The following ARHGEF28 variants were observed in gnomAD, a reference collection of about 807,000 sequenced individuals.
The protein encoded by ARHGEF28 is Rho guanine nucleotide exchange factor 28.
ARHGEF28 carries 152 observed loss-of-function variants against 206.6 expected under a neutral mutation model. That is an observed-to-expected ratio of 0.74 (90% CI 0.64 to 0.84). ARHGEF28 has a LOEUF of 0.84. ARHGEF28 is among the 40% of genes least tolerant of loss of function. The pLI is 0.00. For missense variants in ARHGEF28, 2,028 were observed against 2,073.2 expected (o/e 0.98, Z 0.42); for synonymous variants, 763 against 776.4 (o/e 0.98, Z 0.29).
intron 30 of ARHGEF28, 171 bp from the exon 31 acceptor site, chr5:73,901,013 C>T (rs976077514): frequency 1.8e-6 from 1 of 545,108 alleles, no homozygotes; most frequent in Non-Finnish European, 3.3e-6. Context: ...GCAGGGACCA[C>T]ATGCATTGCT....
At chr5:73,714,599 A>G (rs1488893080) in intron 2 of ARHGEF28, among the ~76,000 whole-genome samples, 2 of 152,096 alleles carry the variant, frequency 1.3e-5, no homozygotes, top group Admixed American at 1.3e-4. Flanking sequence ...CATCAACACA[A>G]TTTTTGGGCC....
intron 14 of ARHGEF28, among the ~76,000 whole-genome samples, chr5:73,854,705 G>A (rs574676850): frequency 1.4e-4 from 21 of 151,958 alleles, no homozygotes; most frequent in Non-Finnish European, 1.9e-4. Flanking sequence ...GGTGGCAGGC[G>A]CCTGCAATCA....
chr5:73,818,041 C>T (rs1457674636), intron 9 of ARHGEF28, among the ~76,000 whole-genome samples: 1 of 152,068 alleles, frequency 6.6e-6, no homozygotes, highest in African/African-American at 2.4e-5. Flanking sequence ...AACAGATGCA[C>T]AGACATCTGG....
intron 14 of ARHGEF28, among the ~76,000 whole-genome samples, chr5:73,854,452 T>C (rs1403052628): frequency 1.3e-5 from 2 of 152,098 alleles, no homozygotes; most frequent in African/African-American, 4.8e-5. Flanking sequence ...TTCCTCCTTC[T>C]CCTCCTCTTT....
chr5:73,732,430 C>T (rs145743429), intron 2 of ARHGEF28, among the ~76,000 whole-genome samples: 12 of 151,950 alleles, frequency 7.9e-5, no homozygotes, highest in African/African-American at 2.4e-4. Context: ...TGAATGCTAA[C>T]GCTAATACCA....
At chr5:73,813,586 A>G (rs1248675663) in intron 9 of ARHGEF28, 2 of 1,535,648 alleles carry the variant, frequency 1.3e-6, no homozygotes, top group African/African-American at 2.7e-5. Context: ...CCAAAACAAA[A>G]AGATGGATTC....
chr5:73,696,165 G>C (rs1748196930), intron 2 of ARHGEF28, among the ~76,000 whole-genome samples: 1 of 152,196 alleles, frequency 6.6e-6, no homozygotes, highest in Non-Finnish European at 1.5e-5. Context: ...TCATTGAGGG[G>C]AGGCAAGCTT....
chr5:73,870,319 A>G, intron 21 of ARHGEF28, 110 bp downstream of exon 21: 1 of 1,291,262 alleles, frequency 7.7e-7, no homozygotes, highest in Non-Finnish European at 1.0e-6. Context: ...ATCATTTTCT[A>G]TTTACCTGAT....
chr5:73,775,455 T>C (rs980914055), intron 5 of ARHGEF28, among the ~76,000 whole-genome samples: 10 of 152,136 alleles, frequency 6.6e-5, no homozygotes, highest in African/African-American at 1.4e-4. Flanking sequence ...ACTTCTGGAG[T>C]CCTTGCCAGT....
intron 2 of ARHGEF28, among the ~76,000 whole-genome samples, chr5:73,693,670 AACTTT>A (rs1321886462): frequency 6.6e-6 from 1 of 152,222 alleles, no homozygotes; most frequent in African/African-American, 2.4e-5. Flanking sequence ...GAATTATATT[AACTTT>A]ACTTGTGTCT....
In ARHGEF28 at chr5:73,684,863, C is replaced by T. The variant is rs751052472; in HGVS notation, c.12C>T (p.Ser4=). The T allele has an allele frequency of 6.2e-7, 1 of 1,610,646 alleles. No individual in the cohort carries two copies. The highest frequency in any genetic ancestry group is 8.5e-7 in the Non-Finnish European group (1 of 1,178,300). The part of the protein sequence containing the change: MEL[S]CSEAPLYGQM... The stretch of plus-strand genomic sequence containing the variant: ...CAGATGCGAAAGCCATGGAGTTGAG[C>T]TGCAGCGAAGCACCTCTTTACGTAA... Residue 4 remains serine, a synonymous_variant, in exon 2 of 36, where the codon AGC becomes AGT. Transcript: ENST00000513042.
intron 6 of ARHGEF28, among the ~76,000 whole-genome samples, chr5:73,778,758 A>C (rs755317429): frequency 6.6e-6 from 1 of 152,230 alleles, no homozygotes; most frequent in Non-Finnish European, 1.5e-5. Context: ...AGCAGGTGGT[A>C]ATTATTTTAT....
chr5:73,883,343 G>A (rs1761071826), intron 23 of ARHGEF28, among the ~76,000 whole-genome samples: 1 of 152,128 alleles, frequency 6.6e-6, no homozygotes, highest in Non-Finnish European at 1.5e-5. Flanking sequence ...TAGAAAAAAA[G>A]TTGTCCTGAT....
At chr5:73,901,122 C>T (rs897595063) in intron 30 of ARHGEF28, 62 bp from the exon 31 acceptor site, 10 of 1,376,270 alleles carry the variant, frequency 7.3e-6, no homozygotes, top group Middle Eastern at 2.3e-4. Flanking sequence ...CAGAAGAACC[C>T]GGTGGGCTGG....
intron 16 of ARHGEF28, among the ~76,000 whole-genome samples, chr5:73,862,722 G>A (rs921561726): frequency 2.0e-5 from 3 of 151,920 alleles, no homozygotes; most frequent in Non-Finnish European, 4.4e-5. Flanking sequence ...CTTTTCCTAA[G>A]ATTATTATGT....
intron 6 of ARHGEF28, among the ~76,000 whole-genome samples, chr5:73,779,791 G>T (rs988808302): frequency 6.6e-6 from 1 of 152,180 alleles, no homozygotes; most frequent in Non-Finnish European, 1.5e-5. Flanking sequence ...CAGCCCATGG[G>T]GGGTGGGCAA....
At chr5:73,928,551 T>A (rs1243897802) in intron 35 of ARHGEF28, among the ~76,000 whole-genome samples, 2 of 152,228 alleles carry the variant, frequency 1.3e-5, no homozygotes, top group African/African-American at 4.8e-5. Flanking sequence ...ATTGCTTGCC[T>A]TCTTCTCTGG....
At chr5:73,734,715 G>C (rs942304597) in intron 2 of ARHGEF28, among the ~76,000 whole-genome samples, 1 of 152,184 alleles carries the variant, frequency 6.6e-6, no homozygotes, top group Admixed American at 6.5e-5. Context: ...GTAGCATCCA[G>C]TTCCAGAAGA....
At chr5:73,869,930 A>G (rs1759987002) in intron 20 of ARHGEF28, 139 bp from the exon 21 acceptor site, 3 of 985,666 alleles carry the variant, frequency 3.0e-6, no homozygotes, top group Admixed American at 2.7e-5. Flanking sequence ...GTTTCACTCC[A>G]TGTTAATATG....
Sources: allele counts gnomAD v4.1 joint callset (sites outside exome capture counted in the v4.1 genomes callset), GRCh38; gene constraint gnomAD v4.1.1; transcripts MANE v1.5; gene names NCBI Gene and HGNC (gene_info 2026-07-23, HGNC 2026-07-21).